The following OPCML variants were observed in gnomAD, a reference collection of about 807,000 sequenced individuals.
OPCML encodes opioid-binding protein/cell adhesion molecule.
OPCML carries 13 observed loss-of-function variants against 37.8 expected under a neutral mutation model. The ratio of observed to expected loss-of-function variants is 0.34; its 90% CI spans 0.22 to 0.55. OPCML has a LOEUF of 0.55. OPCML is among the 20% of genes least tolerant of loss of function. The pLI, the probability that OPCML is intolerant of heterozygous loss-of-function variation, is 0.91. For synonymous variants in OPCML, 176 were observed against 168.8 expected, an observed-to-expected ratio of 1.04 and a Z score of -0.33; for missense variants, 341 against 435.6, an observed-to-expected ratio of 0.78 and a Z score of 1.93.
chr11:132,650,742 G>A (rs1198045147), intron 3 of OPCML, among the ~76,000 whole-genome samples: 2 of 152,124 alleles, frequency 1.3e-5, no homozygotes, highest in African/African-American at 4.8e-5. Flanking sequence ...ACTTTTAGGA[G>A]CCGAGCGCAG....
chr11:133,202,261 G>C (rs1347566067), intron 1 of OPCML, among the ~76,000 whole-genome samples: 1 of 152,182 alleles, frequency 6.6e-6, no homozygotes, highest in Non-Finnish European at 1.5e-5. Context: ...GTAGATGGGA[G>C]ATGGCCAGTC....
intron 2 of OPCML, among the ~76,000 whole-genome samples, chr11:132,773,672 C>A (rs893990625): frequency 2.6e-4 from 40 of 152,186 alleles, no homozygotes; most frequent in Non-Finnish European, 5.9e-5. Context: ...AAAATGGGCA[C>A]AATGAACAAT....
At chr11:132,741,725 G>C (rs111708352) in intron 2 of OPCML, among the ~76,000 whole-genome samples, 15 of 151,992 alleles carry the variant, frequency 9.9e-5, no homozygotes, top group Admixed American at 9.8e-4. Flanking sequence ...AATCATATTA[G>C]GATAATTAAA....
At chr11:133,469,390 C>T (rs893320607) in intron 1 of OPCML, among the ~76,000 whole-genome samples, 1 of 152,130 alleles carries the variant, frequency 6.6e-6, no homozygotes, top group Non-Finnish European at 1.5e-5. Context: ...TAGGCTCCAC[C>T]GTACAGCTGA....
intron 1 of OPCML, among the ~76,000 whole-genome samples, chr11:133,372,840 T>C (rs1197823265): frequency 6.6e-6 from 1 of 152,190 alleles, no homozygotes; most frequent in Non-Finnish European, 1.5e-5. Flanking sequence ...CTCAGGTATC[T>C]CTTGCTTCCT....
intron 1 of OPCML, among the ~76,000 whole-genome samples, chr11:133,217,988 A>G (rs1453831): frequency 0.017 from 2,625 of 151,786 alleles, 61 homozygotes; most frequent in African/African-American, 0.059. Flanking sequence ...GGAGGCTGCA[A>G]TGAGCTATGA....
chr11:133,264,027 T>C (rs1403593543), intron 1 of OPCML, among the ~76,000 whole-genome samples: 1 of 152,182 alleles, frequency 6.6e-6, no homozygotes, highest in Non-Finnish European at 1.5e-5. Flanking sequence ...TCTTTCTATT[T>C]TATTCTCCCT....
chr11:132,748,170 G>A (rs1945703780), intron 2 of OPCML, among the ~76,000 whole-genome samples: 1 of 151,832 alleles, frequency 6.6e-6, no homozygotes, highest in African/African-American at 2.4e-5. Context: ...GTTTTAGGAT[G>A]GGTTTGATAC....
chr11:133,327,078 G>A (rs1303753554), intron 1 of OPCML, among the ~76,000 whole-genome samples: 31 of 140,154 alleles, frequency 2.2e-4, no homozygotes, highest in Admixed American at 1.8e-3. Context: ...ATGTGTGCAC[G>A]AGATGGGGTA....
intron 1 of OPCML, among the ~76,000 whole-genome samples, chr11:133,106,943 T>C (rs1039256742): frequency 3.9e-5 from 6 of 152,112 alleles, no homozygotes; most frequent in African/African-American, 1.4e-4. Flanking sequence ...CTTTGTTAAC[T>C]GCCATGAAGG....
intron 2 of OPCML, among the ~76,000 whole-genome samples, chr11:132,838,626 G>T (rs543086104): frequency 6.6e-6 from 1 of 152,292 alleles, no homozygotes; most frequent in African/African-American, 2.4e-5. Flanking sequence ...GTATAACACA[G>T]TCACAAGCTG....
chr11:132,715,515 G>C (rs1025168808), intron 2 of OPCML, among the ~76,000 whole-genome samples: 5 of 152,178 alleles, frequency 3.3e-5, no homozygotes, highest in African/African-American at 7.2e-5. Context: ...TAAATTCATA[G>C]GTTGAAATCC....
chr11:132,621,854 C>T (rs1028895058), intron 3 of OPCML, among the ~76,000 whole-genome samples: 2 of 152,092 alleles, frequency 1.3e-5, no homozygotes, highest in African/African-American at 4.8e-5. Context: ...GATAAGAGCA[C>T]AAAAACCCAT....
chr11:133,432,407 G>A (rs909664284), intron 1 of OPCML, among the ~76,000 whole-genome samples: 2 of 151,822 alleles, frequency 1.3e-5, no homozygotes, highest in South Asian at 2.1e-4. Flanking sequence ...TGTGTTAATC[G>A]GATCTTACTG....
chr11:133,134,112 C>G (rs1366186631), intron 1 of OPCML, among the ~76,000 whole-genome samples: 1 of 152,098 alleles, frequency 6.6e-6, no homozygotes, highest in Non-Finnish European at 1.5e-5. Context: ...ATCACAGGAG[C>G]TGCCTGCAAG....
intron 2 of OPCML, among the ~76,000 whole-genome samples, chr11:132,852,452 A>G (rs1305045523): frequency 6.6e-6 from 1 of 152,106 alleles, no homozygotes; most frequent in African/African-American, 2.4e-5. Context: ...GAATAATCCT[A>G]AGACATTATT....
chr11:133,406,911 A>G (rs1485942610), intron 1 of OPCML, among the ~76,000 whole-genome samples: 1 of 152,240 alleles, frequency 6.6e-6, no homozygotes. Context: ...TGCAAAGTTC[A>G]TTAATCAGAG....
At position 132,858,410 on chromosome 11, in the gene OPCML, C is replaced by G. The variant is rs890061967; in HGVS notation, c.146+84516G>C. ...AGGCATGCACCTCCTCGGCTTCCCCCTCCCTTGCTCTGCCTGCAAGAAGCA... is the reference window on the plus strand; with the variant it reads ...AGGCATGCACCTCCTCGGCTTCCCCGTCCCTTGCTCTGCCTGCAAGAAGCA... On this transcript the variant is annotated intron_variant, in intron 2 of 7. Transcript: ENST00000524381. Among the ~76,000 whole-genome samples, 4 of 152,342 alleles carry G rather than the reference C, an allele frequency of 2.6e-5. No homozygotes were observed. The South Asian group carries it at 6.2e-4, about 24-fold the overall frequency.
intron 1 of OPCML, among the ~76,000 whole-genome samples, chr11:133,332,411 C>T (rs1281098890): frequency 6.6e-6 from 1 of 152,086 alleles, no homozygotes; most frequent in Non-Finnish European, 1.5e-5. Context: ...TTTGGATGCC[C>T]TTTATTTCTT....
Sources: gnomAD v4.1 joint callset for allele counts (sites outside exome capture counted in the v4.1 genomes callset) on GRCh38, gnomAD v4.1.1 for gene constraint, MANE v1.5 for transcripts, NCBI Gene and HGNC (gene_info 2026-07-23, HGNC 2026-07-21) for gene names.